PDZRN4: variants seen among roughly 807,000 people sequenced by gnomAD.
The protein encoded by PDZRN4 is PDZ domain containing ring finger 4.
PDZRN4 carries 70 observed loss-of-function variants against 99.0 expected under a neutral mutation model. The ratio of observed to expected loss-of-function variants is 0.71; its 90% CI spans 0.58 to 0.86. The LOEUF is 0.86. PDZRN4 is among the 40% of genes least tolerant of loss of function. The pLI is 0.00. For missense variants in PDZRN4, 1,474 were observed against 1,331.2 expected, an observed-to-expected ratio of 1.11 and a Z score of -1.67; for synonymous variants, 551 against 501.6, an observed-to-expected ratio of 1.10 and a Z score of -1.32.
rs182672138 is a variant in PDZRN4 at position 41,370,363 on chromosome 12, G to T, written c.844-136093G>T. Among the ~76,000 whole-genome samples the T allele has an allele frequency of 2.4e-3, 369 of 152,034 alleles. 1 individual carries two copies. The highest frequency in any genetic ancestry group is 8.6e-3 in the African/African-American group (356 of 41,532). ...AATAAATTAGCCAATAATAAAATTT[G>T]TAGTTGACAGTTATTTTCCCTTGGT... is the stretch of plus-strand genomic sequence containing the variant. On this transcript the variant is annotated intron_variant, in intron 3 of 9. Coordinates refer to ENST00000402685, the MANE Select transcript of PDZRN4 (RefSeq NM_001164595.2).
intron 3 of PDZRN4, among the ~76,000 whole-genome samples, chr12:41,311,034 A>T (rs1951603483): frequency 6.6e-6 from 1 of 152,112 alleles, no homozygotes; most frequent in African/African-American, 2.4e-5. Context: ...ACTATTAAAA[A>T]ATCTTTTTCA....
At chr12:41,543,573 G>T (rs1180275895) in intron 5 of PDZRN4, among the ~76,000 whole-genome samples, 1 of 152,110 alleles carries the variant, frequency 6.6e-6, no homozygotes, top group Non-Finnish European at 1.5e-5. Context: ...AATTCCAAAG[G>T]TTTATTGTTT....
At position 41,478,304 on chromosome 12, in the gene PDZRN4, C is replaced by T. The variant is rs183377616; in HGVS notation, c.844-28152C>T. Among the ~76,000 whole-genome samples the T allele has an allele frequency of 7.6e-4, 116 of 151,992 alleles. 2 individuals carry two copies. Among genetic ancestry groups the T allele is most frequent in the African/African-American group, 2.3e-3 (95 of 41,474 alleles). On this transcript the variant is annotated intron_variant, in intron 3 of 9. Coordinates refer to ENST00000402685, the MANE Select transcript of PDZRN4 (RefSeq NM_001164595.2). ...CTAATTTTTGTATTTTTAGTAAAGA[C>T]GAGGTTTCAGCATGTTGGCCAGGCT...
At chr12:41,459,915 T>C in intron 3 of PDZRN4, 1 of 1,252,530 alleles carries the variant, frequency 8.0e-7, no homozygotes, top group Non-Finnish European at 1.0e-6. Flanking sequence ...AGCTTTACTG[T>C]TTTGACTGAA....
At chr12:41,471,604 G>A (rs2405924) in intron 3 of PDZRN4, among the ~76,000 whole-genome samples, 8,741 of 150,310 alleles carry the variant, frequency 0.058, 615 homozygotes, top group East Asian at 0.18. Flanking sequence ...ATTTGATGAT[G>A]TTAATGATGA....
intron 3 of PDZRN4, chr12:41,477,745 A>G (rs61924267): frequency 1.1e-5 from 8 of 706,400 alleles, no homozygotes; most frequent in Non-Finnish European, 1.3e-5. Context: ...AAAACAGCCA[A>G]ATAAAAATAT....
intron 3 of PDZRN4, among the ~76,000 whole-genome samples, chr12:41,259,614 C>G (rs1951224391): frequency 6.6e-6 from 1 of 152,098 alleles, no homozygotes; most frequent in African/African-American, 2.4e-5. Context: ...ATAACCACAT[C>G]TGTGGACAAA....
intron 5 of PDZRN4, among the ~76,000 whole-genome samples, chr12:41,511,725 A>T (rs547996934): frequency 6.6e-6 from 1 of 152,310 alleles, no homozygotes; most frequent in Admixed American, 6.5e-5. Flanking sequence ...TGTTATCATT[A>T]TGTGACACAC....
At chr12:41,545,170 A>G (rs1938924242) in intron 5 of PDZRN4, among the ~76,000 whole-genome samples, 1 of 152,138 alleles carries the variant, frequency 6.6e-6, no homozygotes, top group African/African-American at 2.4e-5. Context: ...AAGAACCCAA[A>G]TTATTTAATA....
chr12:41,216,633 T>C (rs1772548066), intron 3 of PDZRN4, among the ~76,000 whole-genome samples: 3 of 152,056 alleles, frequency 2.0e-5, no homozygotes, highest in Admixed American at 2.0e-4. Flanking sequence ...ACATCCTTTT[T>C]TGAATTGGAT....
intron 5 of PDZRN4, among the ~76,000 whole-genome samples, chr12:41,526,842 TA>T (rs1359165565): frequency 1.8e-4 from 28 of 152,358 alleles, no homozygotes; most frequent in African/African-American, 6.5e-4. Context: ...ATTTTGCTCT[TA>T]CATCCAAAGA....
intron 3 of PDZRN4, among the ~76,000 whole-genome samples, chr12:41,209,261 C>T (rs190147317): frequency 1.6e-3 from 243 of 152,024 alleles, no homozygotes; most frequent in South Asian, 4.4e-3. Flanking sequence ...GCACAGATGA[C>T]GACATCTGAA....
intron 3 of PDZRN4, among the ~76,000 whole-genome samples, chr12:41,418,394 A>G (rs540706244): frequency 6.6e-6 from 1 of 152,206 alleles, no homozygotes; most frequent in Non-Finnish European, 1.5e-5. Flanking sequence ...AAACACTAAC[A>G]AAGGCATTCC....
intron 3 of PDZRN4, among the ~76,000 whole-genome samples, chr12:41,356,501 A>C (rs1951928436): frequency 6.6e-6 from 1 of 152,020 alleles, no homozygotes. Context: ...GACAAGAAGA[A>C]TTCTATATTG....
chr12:41,302,086 GTA>G (rs1397619429), intron 3 of PDZRN4, among the ~76,000 whole-genome samples: 10 of 152,092 alleles, frequency 6.6e-5, no homozygotes, highest in African/African-American at 2.4e-4. Context: ...ATGCTTGTGT[GTA>G]TATGTGTCTG....
chr12:41,356,887 A>G (rs10785249), intron 3 of PDZRN4, among the ~76,000 whole-genome samples: 56,634 of 151,644 alleles, frequency 0.37, 10,651 homozygotes, highest in Non-Finnish European at 0.39. Context: ...TTTGTTGGGA[A>G]ACCTCATTGT....
At chr12:41,389,707 A>G (rs989477949) in intron 3 of PDZRN4, among the ~76,000 whole-genome samples, 1 of 152,314 alleles carries the variant, frequency 6.6e-6, no homozygotes, top group East Asian at 1.9e-4. Context: ...AGGTTTCCAT[A>G]CACTATTCCC....
At chr12:41,323,685 C>T (rs889911526) in intron 3 of PDZRN4, among the ~76,000 whole-genome samples, 3 of 151,874 alleles carry the variant, frequency 2.0e-5, no homozygotes, top group African/African-American at 7.2e-5. Flanking sequence ...GTCACTAATA[C>T]AGTAACAAAT....
chr12:41,346,063 A>G (rs1951851726), intron 3 of PDZRN4, among the ~76,000 whole-genome samples: 1 of 152,208 alleles, frequency 6.6e-6, no homozygotes, highest in South Asian at 2.1e-4. Context: ...CCAATTGTAC[A>G]GATGATGAAA....
Sources: allele counts gnomAD v4.1 joint callset (sites outside exome capture counted in the v4.1 genomes callset), GRCh38; gene constraint gnomAD v4.1.1; transcripts MANE v1.5; gene names NCBI Gene and HGNC (gene_info 2026-07-23, HGNC 2026-07-21).